ZNF714: variants seen among roughly 807,000 people sequenced by gnomAD.
ZNF714 encodes zinc finger protein 714.
In ZNF714, 32 loss-of-function variants were observed where a neutral mutation model predicts 46.2. The observed-to-expected ratio is 0.69, with a 90% CI of 0.52 to 0.93. The LOEUF is 0.93. Ranked by LOEUF, ZNF714 falls within the 40% of genes least tolerant of loss-of-function variation. ZNF714 has a pLI of 0.00. For missense variants in ZNF714, 635 were observed against 646.3 expected, an observed-to-expected ratio of 0.98 and a Z score of 0.19; for synonymous variants, 199 against 213.1, an observed-to-expected ratio of 0.93 and a Z score of 0.58.
chr19:21,115,634 G>T (rs991432453), intron 4 of ZNF714, among the ~76,000 whole-genome samples: 1 of 151,852 alleles, frequency 6.6e-6, no homozygotes, highest in African/African-American at 2.4e-5. Flanking sequence ...TATCTTATAA[G>T]ACTGTGCTTG....
rs761100637 is a variant in ZNF714 at position 21,117,256 on chromosome 19, G to A, written c.592G>A (p.Glu198Lys). 1.2e-6 allele frequency: 2 copies of A among 1,614,036 alleles called. No individual in the cohort carries two copies. The highest frequency in any genetic ancestry group is 2.2e-5 in the South Asian group (2 of 91,076). ...TAGACACAAGAGAGTTCATACTGGAGAGAAACCCTTCAAATGTGAAGAATG... is the reference window on the plus strand; with the variant it reads ...TAGACACAAGAGAGTTCATACTGGAAAGAAACCCTTCAAATGTGAAGAATG... ...LTRHKRVHTG[E>K]KPFKCEECGK... Residue 198 changes from glutamate (E) to lysine (K), a missense_variant, in exon 5 of 5, where the codon GAG becomes AAG. By Grantham distance (56) the Glu-to-Lys change is moderately conservative (BLOSUM62 1). Coordinates refer to ENST00000456283, the MANE Select transcript of ZNF714 (RefSeq NM_182515.4).
intron 4 of ZNF714, among the ~76,000 whole-genome samples, chr19:21,100,602 T>C (rs1350908237): frequency 6.6e-6 from 1 of 152,198 alleles, no homozygotes; most frequent in East Asian, 1.9e-4. Flanking sequence ...TTAATACTAT[T>C]ATAAATAAGA....
Position 21,117,419 on chromosome 19 carries a change from C to T in ZNF714, c.755C>T (p.Thr252Ile), listed in dbSNP as rs201178018. 192 of 1,612,890 alleles carry T rather than the reference C, an allele frequency of 1.2e-4. No individual in the cohort carries two copies. The highest frequency in any genetic ancestry group is 1.6e-4 in the Middle Eastern group (1 of 6,070). Residue 252 changes from threonine to isoleucine, a missense_variant, in exon 5 of 5, where the codon ACT becomes ATT. Coordinates refer to ENST00000456283, the MANE Select transcript of ZNF714 (RefSeq NM_182515.4). ...SHLTTHKVIHTGEKPFKCEEC... is the reference protein window; with the variant it reads ...SHLTTHKVIHIGEKPFKCEEC... ...CTTACTACACATAAGGTAATTCATA[C>T]TGGAGAGAAGCCCTTCAAATGTGAA... is the stretch of plus-strand genomic sequence containing the variant.
intron 4 of ZNF714, among the ~76,000 whole-genome samples, chr19:21,104,175 G>C (rs984501859): frequency 6.6e-6 from 1 of 152,046 alleles, no homozygotes; most frequent in Non-Finnish European, 1.5e-5. Flanking sequence ...ATCTTAAAAT[G>C]TGACAAGATT....
At chr19:21,107,526 A>G (rs1480884500) in intron 4 of ZNF714, among the ~76,000 whole-genome samples, 1 of 150,828 alleles carries the variant, frequency 6.6e-6, no homozygotes, top group Non-Finnish European at 1.5e-5. Flanking sequence ...GGTGTAAGCC[A>G]CCACACCCAG....
In ZNF714 at chr19:21,118,465, AAAAG is replaced by A; in HGVS notation, c.*137_*140del. On this transcript the variant is annotated 3_prime_UTR_variant, in exon 5 of 5. Transcript: ENST00000456283. ...AGACTCTGTCTCAAAAAAAAAAAAA[AAAAG>A]AAAAGAAAATTCATACTGGAACGAA... 1 of 404,722 alleles carries A rather than the reference AAAAG, an allele frequency of 2.5e-6. No individual in the cohort carries two copies. The highest frequency in any genetic ancestry group is 4.4e-5 in the East Asian group (1 of 22,608). The allele number at this position is 404,722 out of a possible 1,614,324, so 25.1% of individuals were successfully genotyped here.
rs1969668406 is a variant in ZNF714 at position 21,119,286 on chromosome 19, C to T, written c.*954C>T. On this transcript the variant is annotated 3_prime_UTR_variant, in exon 5 of 5. Coordinates refer to ENST00000456283, the MANE Select transcript of ZNF714 (RefSeq NM_182515.4). ...GTTGCGGTGGTGGTGCCTGTAATCC[C>T]AGCTACTCAAGAGGCTGAGGCAGGA... 2.3e-5 allele frequency: 7 copies of T among 302,562 alleles called. No individual in the cohort carries two copies. Among genetic ancestry groups the T allele is most frequent in the South Asian group, 1.7e-4 (7 of 41,194 alleles). The allele number at this position is 302,562 out of a possible 1,614,324, so 18.7% of individuals were successfully genotyped here.
In ZNF714 at chr19:21,082,352, AG is replaced by A. The variant is rs533902804; in HGVS notation, c.-177+5del. 4,424 of 1,457,682 alleles carry A rather than the reference AG, an allele frequency of 3.0e-3. 33 individuals carry two copies. Among genetic ancestry groups the A allele is most frequent in the Middle Eastern group, 0.016 (82 of 5,210 alleles). The allele number at this position is 1,457,682 out of a possible 1,614,324, so 90.3% of individuals were successfully genotyped here. On this transcript the variant is annotated splice_donor_5th_base_variant and intron_variant, in intron 1 of 4. Coordinates refer to ENST00000456283, the MANE Select transcript of ZNF714 (RefSeq NM_182515.4). ...GTACCCCGGAAGCCTAGAAATGGTG[AG>A]AGTGCCGGGTCCGACATCCCGAGAG...
At chr19:21,092,190 G>C (rs1328855130) in intron 2 of ZNF714, among the ~76,000 whole-genome samples, 1 of 152,088 alleles carries the variant, frequency 6.6e-6, no homozygotes, top group Non-Finnish European at 1.5e-5. Context: ...GAGGAAAGGA[G>C]CTCTGATGAC....
At chr19:21,105,475 T>C (rs1371633984) in intron 4 of ZNF714, among the ~76,000 whole-genome samples, 1 of 152,218 alleles carries the variant, frequency 6.6e-6, no homozygotes, top group Non-Finnish European at 1.5e-5. Flanking sequence ...TTTTTTTTAA[T>C]GTGCAGAAAT....
chr19:21,084,102 A>G (rs1968720776), intron 2 of ZNF714, 33 bp downstream of exon 2: 1 of 895,782 alleles, frequency 1.1e-6, no homozygotes, highest in Non-Finnish European at 1.4e-6. Context: ...GGGAAAACAC[A>G]GAAATAACAT....
At chr19:21,110,151 A>G (rs1233183771) in intron 4 of ZNF714, among the ~76,000 whole-genome samples, 2 of 152,202 alleles carry the variant, frequency 1.3e-5, no homozygotes, top group Non-Finnish European at 2.9e-5. Flanking sequence ...ATCTGGTTCT[A>G]GGTCTTTGAG....
In ZNF714 at chr19:21,124,199, A is replaced by G. The variant is rs535780754; in HGVS notation, c.*5867A>G. ...TGGTTATGACTGACAAATGACAATA[A>G]TAGCCCCAAAATACATATTTTTGAT... On this transcript the variant is annotated 3_prime_UTR_variant, in exon 5 of 5. Coordinates refer to ENST00000456283, the MANE Select transcript of ZNF714 (RefSeq NM_182515.4). The G allele has an allele frequency of 2.0e-5, 3 of 152,206 alleles. No homozygotes were observed. The highest frequency in any genetic ancestry group is 4.4e-5 in the Non-Finnish European group (3 of 68,048). The allele number at this position is 152,206 out of a possible 1,614,324, so 9.4% of individuals were successfully genotyped here.
chr19:21,082,945 GT>G (rs1310732025), intron 1 of ZNF714, among the ~76,000 whole-genome samples: 2 of 152,074 alleles, frequency 1.3e-5, no homozygotes, highest in African/African-American at 4.8e-5. Flanking sequence ...AAATTTCCTG[GT>G]TATGTAATTA....
intron 2 of ZNF714, among the ~76,000 whole-genome samples, chr19:21,097,297 C>G (rs1000958696): frequency 1.3e-5 from 2 of 152,156 alleles, no homozygotes; most frequent in East Asian, 3.9e-4. Flanking sequence ...GATATCTTGA[C>G]CTTCGCATGA....
At position 21,082,349 on chromosome 19, in the gene ZNF714, G is replaced by C. The variant is rs1327553721; in HGVS notation, c.-177+1G>C. On this transcript the variant is annotated splice_donor_variant, in intron 1 of 4. Transcript: ENST00000456283. LOFTEE classifies it low-confidence loss of function (5UTR_SPLICE). ...CAGGTACCCCGGAAGCCTAGAAATG[G>C]TGAGAGTGCCGGGTCCGACATCCCG... is the stretch of plus-strand genomic sequence containing the variant. 6.9e-7 allele frequency: 1 copy of C among 1,457,694 alleles called. No homozygotes were observed. Among genetic ancestry groups the C allele is most frequent in the Non-Finnish European group, 9.3e-7 (1 of 1,077,958 alleles). The allele number at this position is 1,457,694 out of a possible 1,614,324, so 90.3% of individuals were successfully genotyped here.
intron 2 of ZNF714, among the ~76,000 whole-genome samples, chr19:21,086,588 G>A (rs1208501203): frequency 6.6e-5 from 10 of 152,070 alleles, no homozygotes; most frequent in Admixed American, 5.9e-4. Context: ...TCACATCTTG[G>A]TTTTGGTGGG....
chr19:21,101,790 C>T (rs892046567), intron 4 of ZNF714, among the ~76,000 whole-genome samples: 2 of 152,204 alleles, frequency 1.3e-5, no homozygotes, highest in Non-Finnish European at 2.9e-5. Context: ...ACAGAGTTAA[C>T]TTCAGAATTC....
In ZNF714 at chr19:21,098,167, T is replaced by C. The variant is rs1969088295; in HGVS notation, c.-84-18T>C. 2 of 1,602,888 alleles carry C rather than the reference T, an allele frequency of 1.2e-6. No homozygotes were observed. Among genetic ancestry groups the C allele is most frequent in the South Asian group, 2.3e-5 (2 of 88,688 alleles). ...CACTTGGTAAATATACGTGTGTCTG[T>C]GCGTATGTGTTTTTCAGGAGACGTT... On this transcript the variant is annotated intron_variant, in intron 2 of 4. Coordinates refer to ENST00000456283, the MANE Select transcript of ZNF714 (RefSeq NM_182515.4).
Sources: allele counts gnomAD v4.1 joint callset (sites outside exome capture counted in the v4.1 genomes callset), GRCh38; gene constraint gnomAD v4.1.1; transcripts MANE v1.5; gene names NCBI Gene and HGNC (gene_info 2026-07-23, HGNC 2026-07-21).